Variants in APOO observed in about 807,000 individuals in gnomAD.
The protein encoded by APOO is MICOS complex subunit MIC26.
Under a neutral mutation model 23.1 loss-of-function variants are expected in APOO, and 11 were observed. The observed-to-expected ratio is 0.48, with a 90% CI of 0.30 to 0.79. The LOEUF (loss-of-function observed/expected upper bound fraction) is 0.79, where lower values mean the gene tolerates loss of function less well. APOO is among the 30% of genes least tolerant of loss of function. The pLI, the probability that APOO is intolerant of heterozygous loss-of-function variation, is 0.07. For missense variants in APOO, 160 were observed against 142.7 expected (o/e 1.12, Z -0.62); for synonymous variants, 59 against 54.8 (o/e 1.08, Z -0.34).
intron 7 of APOO, among the ~76,000 whole-genome samples, chrX:23,853,015 T>C (rs1924615159): frequency 9.1e-6 from 1 of 109,793 alleles, no homozygotes; most frequent in Non-Finnish European, 1.9e-5. Flanking sequence ...CCCAGCACTT[T>C]GGGAGGCCGA....
At chrX:23,879,156 T>C in intron 2 of APOO, 122 bp from the exon 3 acceptor site, 2 of 885,809 alleles carry the variant, frequency 2.3e-6, no homozygotes, top group East Asian at 3.7e-5. Flanking sequence ...GACTCTGTGG[T>C]CGGGTGTGGT....
chrX:23,899,719 G>A (rs1163770118), intron 1 of APOO, among the ~76,000 whole-genome samples: 1 of 111,919 alleles, frequency 8.9e-6, no homozygotes, highest in Non-Finnish European at 1.9e-5. Flanking sequence ...CTTTGCTATT[G>A]AGATTTATTA....
At chrX:23,896,285 T>C (rs1926904870) in intron 1 of APOO, among the ~76,000 whole-genome samples, 1 of 109,826 alleles carries the variant, frequency 9.1e-6, no homozygotes, top group Non-Finnish European at 1.9e-5. Flanking sequence ...AAAAATATGA[T>C]GTTAACAGTG....
chrX:23,867,759 G>C (rs1201509423), intron 5 of APOO, among the ~76,000 whole-genome samples: 1 of 111,072 alleles, frequency 9.0e-6, no homozygotes, highest in Non-Finnish European at 1.9e-5. Flanking sequence ...AGCCAGGATG[G>C]TCTCGATCTC....
At chrX:23,877,898 CAACA>C (rs1277350358) in intron 3 of APOO, among the ~76,000 whole-genome samples, 2 of 111,832 alleles carry the variant, frequency 1.8e-5, no homozygotes, top group Non-Finnish European at 3.8e-5. Flanking sequence ...AGATCAAGTA[CAACA>C]AACATATGTA....
intron 1 of APOO, among the ~76,000 whole-genome samples, chrX:23,894,443 T>C (rs927659426): frequency 8.9e-6 from 1 of 111,902 alleles, no homozygotes; most frequent in Non-Finnish European, 1.9e-5. Context: ...TTACTTTTAA[T>C]ATGTAATCAT....
At chrX:23,866,970 C>G (rs1162275793) in intron 5 of APOO, among the ~76,000 whole-genome samples, 3 of 108,750 alleles carry the variant, frequency 2.8e-5, no homozygotes, top group Non-Finnish European at 5.7e-5. Flanking sequence ...CGTGGTGGTG[C>G]ACATCTATAA....
intron 5 of APOO, among the ~76,000 whole-genome samples, chrX:23,864,294 TG>T (rs1374830907): frequency 1.9e-5 from 2 of 106,214 alleles, no homozygotes; most frequent in Non-Finnish European, 3.9e-5. Flanking sequence ...CATACCCGGC[TG>T]ATTTGTTTGT....
intron 5 of APOO, among the ~76,000 whole-genome samples, chrX:23,859,572 T>C (rs1397514426): frequency 9.1e-6 from 1 of 110,439 alleles, no homozygotes; most frequent in Non-Finnish European, 1.9e-5. Flanking sequence ...GCCTCTCGAG[T>C]AGCTGGGGTT....
In APOO at chrX:23,907,932, C is replaced by T; in HGVS notation, c.-230G>A. ...GCGTCGCGCCCGGGCAGCGGGTGAA[C>T]GCAAACCCCGCCCTCCAGGAGGCTC... On this transcript the variant is annotated 5_prime_UTR_variant, in exon 1 of 9. Transcript: ENST00000379226. The T allele has an allele frequency of 2.8e-6, 1 of 360,518 alleles. No individual in the cohort carries two copies. The highest frequency in any genetic ancestry group is 4.7e-5 in the East Asian group (1 of 21,079). 29.7% of individuals were successfully genotyped at this position (360,518 alleles called of 1,213,427 possible).
At chrX:23,839,036 T>G (rs980664194) in intron 8 of APOO, among the ~76,000 whole-genome samples, 11 of 111,900 alleles carry the variant, frequency 9.8e-5, no homozygotes, top group African/African-American at 2.9e-4. Context: ...CATGTGTCAC[T>G]CTGTGGCTGC....
At chrX:23,840,991 G>C (rs772733540) in intron 7 of APOO, among the ~76,000 whole-genome samples, 1 of 111,957 alleles carries the variant, frequency 8.9e-6, no homozygotes, top group Non-Finnish European at 1.9e-5. Context: ...AAAAGTTCAC[G>C]TGCTAAACTT....
At chrX:23,900,739 TGAGGCTGAAAA>T (rs769624895) in intron 1 of APOO, among the ~76,000 whole-genome samples, 1 of 107,938 alleles carries the variant, frequency 9.3e-6, no homozygotes, top group African/African-American at 3.4e-5. Context: ...AACTAGAACC[TGAGGCTGAAAA>T]GATTGCATCC....
chrX:23,869,154 C>T (rs111350932), intron 4 of APOO, among the ~76,000 whole-genome samples: 1,813 of 110,055 alleles, frequency 0.016, 32 homozygotes, highest in African/African-American at 0.051. Context: ...GGTGATCTAC[C>T]CGCCTTAGCC....
intron 2 of APOO, among the ~76,000 whole-genome samples, chrX:23,880,350 TAGTTTAATA>T (rs2147020407): frequency 8.9e-6 from 1 of 111,883 alleles, no homozygotes; most frequent in Admixed American, 9.6e-5. Flanking sequence ...GAAAAAGCCA[TAGTTTAATA>T]TTTCCCACAA....
intron 1 of APOO, among the ~76,000 whole-genome samples, chrX:23,900,924 G>A (rs1927108245): frequency 8.9e-6 from 1 of 111,778 alleles, no homozygotes; most frequent in African/African-American, 3.3e-5. Flanking sequence ...TTCCCTTGAA[G>A]ATGCTTAAAC....
At chrX:23,881,602 T>C (rs1423427868) in intron 1 of APOO, among the ~76,000 whole-genome samples, 3 of 76,940 alleles carry the variant, frequency 3.9e-5, no homozygotes, top group Non-Finnish European at 7.0e-5. Flanking sequence ...AAAGATGGGC[T>C]GAGAGGAGGA....
chrX:23,856,162 C>T, intron 7 of APOO, 140 bp downstream of exon 7: 1 of 611,048 alleles, frequency 1.6e-6, no homozygotes, highest in Non-Finnish European at 2.6e-6. Context: ...GAAAGGTCAC[C>T]TGAAAAATCT....
At chrX:23,888,928 C>T (rs1926499498) in intron 1 of APOO, among the ~76,000 whole-genome samples, 1 of 100,988 alleles carries the variant, frequency 9.9e-6, no homozygotes, top group South Asian at 4.8e-4. Flanking sequence ...TCACTTGAGG[C>T]CAGAAGTTTA....
Sources: gnomAD v4.1 joint callset for allele counts (sites outside exome capture counted in the v4.1 genomes callset) on GRCh38, gnomAD v4.1.1 for gene constraint, MANE v1.5 for transcripts, NCBI Gene and HGNC (gene_info 2026-07-23, HGNC 2026-07-21) for gene names.